Variants in RERE observed in about 807,000 individuals in gnomAD.
RERE encodes the protein arginine-glutamic acid dipeptide repeats.
A neutral mutation model predicts 146.1 loss-of-function variants in RERE; 40 were observed. The observed-to-expected ratio is 0.27, with a 90% CI of 0.21 to 0.36. The LOEUF is 0.36. RERE is among the 10% of genes least tolerant of loss of function. The pLI is 1.00. For missense variants in RERE, 1,933 were observed against 2,138.7 expected (o/e 0.90, Z 1.90); for synonymous variants, 1,003 against 866.0 (o/e 1.16, Z -2.78).
intron 7 of RERE, among the ~76,000 whole-genome samples, chr1:8,538,720 C>CT (rs1169031006): frequency 6.6e-6 from 1 of 152,174 alleles, no homozygotes; most frequent in Admixed American, 6.5e-5. Flanking sequence ...TACTCAAGCA[C>CT]TTAAAACACA....
chr1:8,810,929 A>G (rs1641794763), intron 1 of RERE, among the ~76,000 whole-genome samples: 1 of 152,256 alleles, frequency 6.6e-6, no homozygotes, highest in Non-Finnish European at 1.5e-5. Context: ...GTAGGCGGGC[A>G]GAGTCACAGA....
At chr1:8,450,375 C>T (rs1644376444) in intron 11 of RERE, among the ~76,000 whole-genome samples, 1 of 151,902 alleles carries the variant, frequency 6.6e-6, no homozygotes, top group South Asian at 2.1e-4. Flanking sequence ...CAGCACCCAG[C>T]AGAGCTGCGT....
chr1:8,387,177 T>C (rs2587513), intron 12 of RERE, among the ~76,000 whole-genome samples: 67,815 of 151,996 alleles, frequency 0.45, 16,750 homozygotes, highest in East Asian at 0.86. Flanking sequence ...CACACTCTTA[T>C]GGAAATTTCA....
chr1:8,487,810 T>C (rs1644923152), intron 10 of RERE, among the ~76,000 whole-genome samples: 1 of 152,124 alleles, frequency 6.6e-6, no homozygotes, highest in South Asian at 2.1e-4. Context: ...ATATAAAAAC[T>C]GATTGTGTTT....
chr1:8,759,836 T>TACAC (rs1491126292), intron 1 of RERE, among the ~76,000 whole-genome samples: 3 of 126,120 alleles, frequency 2.4e-5, no homozygotes, highest in East Asian at 2.6e-4. Flanking sequence ...TTACTCTCTC[T>TACAC]ATACACACAC....
chr1:8,492,434 A>C (rs1355291519), intron 10 of RERE, among the ~76,000 whole-genome samples: 1 of 152,224 alleles, frequency 6.6e-6, no homozygotes, highest in Non-Finnish European at 1.5e-5. Flanking sequence ...ACAGTTATGA[A>C]AGCAGGATTT....
chr1:8,553,508 GTTCAGTGACCAAA>G (rs1289430051), intron 6 of RERE, among the ~76,000 whole-genome samples: 23 of 152,176 alleles, frequency 1.5e-4, no homozygotes, highest in Non-Finnish European at 2.8e-4. Flanking sequence ...AGGCCAGCTT[GTTCAGTGACCAAA>G]CAACCACCTG....
intron 11 of RERE, among the ~76,000 whole-genome samples, chr1:8,431,124 G>T (rs553093725): frequency 1.1e-4 from 16 of 152,278 alleles, no homozygotes; most frequent in Non-Finnish European, 2.1e-4. Context: ...TAAGACGGGG[G>T]TCTCCAGTCC....
intron 6 of RERE, among the ~76,000 whole-genome samples, chr1:8,554,289 A>G (rs1024539081): frequency 2.6e-5 from 4 of 152,232 alleles, no homozygotes; most frequent in Non-Finnish European, 5.9e-5. Flanking sequence ...CATATCTCAC[A>G]TATTTGTTCA....
At chr1:8,608,330 C>G (rs1437610010) in intron 4 of RERE, among the ~76,000 whole-genome samples, 1 of 152,104 alleles carries the variant, frequency 6.6e-6, no homozygotes, top group Non-Finnish European at 1.5e-5. Context: ...TAGGGAGACC[C>G]TGTCTCTACA....
intron 10 of RERE, among the ~76,000 whole-genome samples, chr1:8,474,678 CA>C (rs1435318645): frequency 6.6e-6 from 1 of 152,246 alleles, no homozygotes; most frequent in Non-Finnish European, 1.5e-5. Context: ...TCTGGTCTCA[CA>C]CATCAAAATA....
intron 4 of RERE, among the ~76,000 whole-genome samples, chr1:8,614,156 C>T (rs976557877): frequency 2.6e-5 from 4 of 152,172 alleles, no homozygotes; most frequent in African/African-American, 9.7e-5. Context: ...CCCGAGAGGA[C>T]AACACCCAAA....
At chr1:8,407,529 CAG>C (rs1321527484) in intron 12 of RERE, among the ~76,000 whole-genome samples, 31 of 151,770 alleles carry the variant, frequency 2.0e-4, no homozygotes, top group Non-Finnish European at 2.1e-4. Context: ...GCACTTGCAA[CAG>C]AAGCTCTGTG....
chr1:8,591,991 C>T (rs1646500475), intron 4 of RERE, among the ~76,000 whole-genome samples: 1 of 152,116 alleles, frequency 6.6e-6, no homozygotes, highest in Admixed American at 6.6e-5. Context: ...TTTGGCTTAA[C>T]ACACTGAAAG....
At chr1:8,449,343 G>A (rs895618659) in intron 11 of RERE, among the ~76,000 whole-genome samples, 1 of 152,110 alleles carries the variant, frequency 6.6e-6, no homozygotes, top group African/African-American at 2.4e-5. Flanking sequence ...AGGGAACTCC[G>A]CCGGCTAGAC....
intron 4 of RERE, among the ~76,000 whole-genome samples, chr1:8,614,040 TAAG>T (rs1404574801): frequency 1.2e-4 from 19 of 152,058 alleles, no homozygotes; most frequent in South Asian, 2.1e-4. Flanking sequence ...GGATAGCCGT[TAAG>T]AAGTATAGCT....
rs1570009531 is a variant in RERE at position 8,355,203 on chromosome 1, C to T, written c.4668-83G>A. 6.9e-6 allele frequency: 10 copies of T among 1,447,274 alleles called. No homozygotes were observed. The Admixed American group carries it at 1.0e-4, about 15-fold the overall frequency. 89.7% of individuals were successfully genotyped at this position (1,447,274 alleles called of 1,614,324 possible). The stretch of plus-strand genomic sequence containing the variant: ...AGGCTGGAGGCAACCCCAAAGACAA[C>T]AGCCAGGCAATCCAACCCCAAGCCC... On this transcript the variant is annotated intron_variant, in intron 22 of 22. Coordinates refer to ENST00000400908, the MANE Select transcript of RERE (RefSeq NM_001042681.2).
intron 10 of RERE, among the ~76,000 whole-genome samples, chr1:8,467,668 G>T (rs950639983): frequency 1.7e-4 from 25 of 151,482 alleles, no homozygotes; most frequent in African/African-American, 6.1e-4. Context: ...TTTTTGAGAC[G>T]GAGTCTTGCT....
chr1:8,593,744 G>A (rs1646522383), intron 4 of RERE, among the ~76,000 whole-genome samples: 2 of 152,184 alleles, frequency 1.3e-5, no homozygotes, highest in African/African-American at 2.4e-5. Flanking sequence ...GATACTTTCA[G>A]CTTCTCTATT....
Sources: allele counts gnomAD v4.1 joint callset (sites outside exome capture counted in the v4.1 genomes callset), GRCh38; gene constraint gnomAD v4.1.1; transcripts MANE v1.5; gene names NCBI Gene and HGNC (gene_info 2026-07-23, HGNC 2026-07-21).